Variants in SIGLEC10 observed in about 807,000 individuals in gnomAD.
SIGLEC10 encodes the protein sialic acid binding Ig like lectin 10.
In SIGLEC10, 45 loss-of-function variants were observed where a neutral mutation model predicts 68.3. The observed-to-expected ratio is 0.66, with a 90% confidence interval of 0.52 to 0.84. The LOEUF is 0.84. Ranked by LOEUF, SIGLEC10 falls within the 40% of genes least tolerant of loss-of-function variation. The pLI is 0.00. For missense variants in SIGLEC10, 789 were observed against 883.1 expected (o/e 0.89, Z 1.35); for synonymous variants, 379 against 370.8 (o/e 1.02, Z -0.26).
chr19:51,416,257 G>A, intron 4 of SIGLEC10, 53 bp downstream of exon 4: 1 of 1,613,432 alleles, frequency 6.2e-7, no homozygotes, highest in East Asian at 2.2e-5. Flanking sequence ...ATCCCCTGAA[G>A]CCTTTTCATC....
chr19:51,413,812 A>G lies in SIGLEC10; in HGVS notation c.1721T>C (p.Leu574Pro), dbSNP rs1400356877. The change falls in exon 10 of 11, where the codon CTA (leucine) becomes CCA (proline). Residue 574 changes from leucine to proline, a missense_variant. Physicochemically the swap from Leu to Pro is moderately conservative, Grantham distance 98. Transcript: ENST00000339313. ...TTCTGTCTGAGTCCGTCTCTTCGGT[A>G]GAATCTTCATGCTGAGGAAATGAAC... ...LCLALIIMKI[L>P]PKRRTQTETP... 1 of 1,614,038 alleles carries G rather than the reference A, an allele frequency of 6.2e-7. No homozygotes were observed. The highest frequency in any genetic ancestry group is 1.1e-5 in the South Asian group (1 of 91,072).
At position 51,416,849 on chromosome 19, in the gene SIGLEC10, G is replaced by A. The variant is rs137873210; in HGVS notation, c.523C>T (p.Pro175Ser). Residue 175 changes from proline (P) to serine (S), a missense_variant, in exon 3 of 11, where the codon CCC (proline) becomes TCC (serine). Transcript: ENST00000339313. ...VFNWAFEECPPPSFSWTGAAL... is the reference protein window; with the variant it reads ...VFNWAFEECPSPSFSWTGAAL... ...GCCCCCGTCCAGGAGAAAGAAGGGG[G>A]TGGACATTCCTCAAAGGCCCAGTTA... The A allele has an allele frequency of 6.2e-7, 1 of 1,614,208 alleles. No individual in the cohort carries two copies. Among genetic ancestry groups the A allele is most frequent in the East Asian group, 2.2e-5 (1 of 44,878 alleles).
In SIGLEC10 at chr19:51,414,480, C is replaced by T. The variant is rs545140583; in HGVS notation, c.1651G>A (p.Gly551Arg). The T allele has an allele frequency of 1.1e-5, 18 of 1,614,000 alleles. No homozygotes were observed. The South Asian group carries it at 1.3e-4, about 12-fold the overall frequency. Residue 551 changes from glycine (G) to arginine (R), a missense_variant, in exon 9 of 11, where the codon GGA (glycine) becomes AGA (arginine). By Grantham distance (125) the Gly-to-Arg change is moderately radical. Coordinates refer to ENST00000339313, the MANE Select transcript of SIGLEC10 (RefSeq NM_033130.5). This position sits in a 1 kb window ranked among gnomAD's most constrained non-coding sequence, Gnocchi z 4.1. ...GTGATGCCGATTCCCAGAAACGCTCCGTTGGAGAATGCCGTTGAGATGAGT... is the reference window on the plus strand; with the variant it reads ...GTGATGCCGATTCCCAGAAACGCTCTGTTGGAGAATGCCGTTGAGATGAGT... ...KGLISTAFSN[G>R]AFLGIGITAL...
intron 10 of SIGLEC10, 77 bp downstream of exon 10, chr19:51,413,635 C>A: frequency 7.8e-7 from 1 of 1,286,788 alleles, no homozygotes; most frequent in Non-Finnish European, 1.1e-6. Flanking sequence ...GTCGCTAAGA[C>A]AAGGGGTGCA....
intron 4 of SIGLEC10, 24 bp downstream of exon 4, chr19:51,416,280 GCCCAGC>G: frequency 1.2e-6 from 2 of 1,613,866 alleles, no homozygotes; most frequent in Non-Finnish European, 1.7e-6. Context: ...AAGACAACTG[GCCCAGC>G]CCCAGCCCGA....
rs1988439748 is a variant in SIGLEC10 at position 51,414,992 on chromosome 19, G to A, written c.1447C>T (p.Leu483=). ...GAGTCCTGGCTGCTGTTCCCCTCCA[G>A]CAGCTCCTCCCCAAGCCACCAGCGC... ...SLRWWLGEEL[L]EGNSSQDSFE... is the part of the protein sequence containing the mutation. The change falls in exon 8 of 11, where the codon CTG becomes TTG. Residue 483 remains leucine (L), a synonymous_variant. Coordinates refer to ENST00000339313, the MANE Select transcript of SIGLEC10 (RefSeq NM_033130.5). The surrounding 1 kb of genome is among the most constrained non-coding windows in gnomAD (Gnocchi z 4.1). The A allele has an allele frequency of 1.9e-6, 3 of 1,612,768 alleles. No individual in the cohort carries two copies. The highest frequency in any genetic ancestry group is 2.5e-6 in the Non-Finnish European group (3 of 1,179,828).
In SIGLEC10 at chr19:51,414,837, G is replaced by A; in HGVS notation, c.1602C>T (p.Ile534=). Reference sequence around the variant, plus strand: ...CGGCCCCCTAACCTGGCAGCTGCAGGATGGATCCACTCTGGGCCCCATGGA... The same window carrying A: ...CGGCCCCCTAACCTGGCAGCTGCAGAATGGATCCACTCTGGGCCCCATGGA... ...WNVHGAQSGS[I]LQLPDKKGLI... Residue 534 remains isoleucine, a synonymous_variant, in exon 8 of 11, where the codon ATC becomes ATT. Transcript: ENST00000339313. This position sits in a 1 kb window ranked among gnomAD's most constrained non-coding sequence, Gnocchi z 4.1. 1.2e-6 allele frequency: 2 copies of A among 1,613,822 alleles called. No individual in the cohort carries two copies. Among genetic ancestry groups the A allele is most frequent in the East Asian group, 2.2e-5 (1 of 44,876 alleles).
intron 10 of SIGLEC10, among the ~76,000 whole-genome samples, chr19:51,412,037 G>A (rs186181051): frequency 3.9e-4 from 59 of 152,012 alleles, no homozygotes; most frequent in Non-Finnish European, 6.6e-4. Flanking sequence ...CAGCTACTCA[G>A]GAGGCTGAGG....
At position 51,414,656 on chromosome 19, in the gene SIGLEC10, C is replaced by T; in HGVS notation, c.1616-141G>A. 1 of 1,363,844 alleles carries T rather than the reference C, an allele frequency of 7.3e-7. No homozygotes were observed. Among genetic ancestry groups the T allele is most frequent in the Non-Finnish European group, 1.0e-6 (1 of 967,268 alleles). The allele number at this position is 1,363,844 out of a possible 1,614,324, so 84.5% of individuals were successfully genotyped here. On this transcript the variant is annotated intron_variant, in intron 8 of 10. Coordinates refer to ENST00000339313, the MANE Select transcript of SIGLEC10 (RefSeq NM_033130.5). The surrounding 1 kb of genome is among the most constrained non-coding windows in gnomAD (Gnocchi z 4.1). Reference sequence around the variant, plus strand: ...CTCTGTTTACTTTTAGGAAACCCTGCCACACCCCGGCCCAGGTGTTAGGAC... The same window carrying T: ...CTCTGTTTACTTTTAGGAAACCCTGTCACACCCCGGCCCAGGTGTTAGGAC...
In SIGLEC10 at chr19:51,414,610, C is replaced by T. The variant is rs1988383129; in HGVS notation, c.1616-95G>A. On this transcript the variant is annotated intron_variant, in intron 8 of 10. Coordinates refer to ENST00000339313, the MANE Select transcript of SIGLEC10 (RefSeq NM_033130.5). The surrounding 1 kb of genome is among the most constrained non-coding windows in gnomAD (Gnocchi z 4.1). ...GCATTAAGGCTTCCGGTTCCCATGG[C>T]GGACATTGTATCTGCAACCCCTCTG... 6.4e-6 allele frequency: 9 copies of T among 1,410,810 alleles called. No homozygotes were observed. The highest frequency in any genetic ancestry group is 3.6e-5 in the South Asian group (3 of 84,394). 87.4% of individuals were successfully genotyped at this position (1,410,810 alleles called of 1,614,324 possible). A position where few individuals can be genotyped will look rare whatever the true frequency, so the allele number is the denominator to read the frequency against.
Position 51,416,296 on chromosome 19 carries a change from A to T in SIGLEC10, c.754+14T>A. ...AGACAACTGGCCCAGCCCCAGCCCG[A>T]CGGCCCTCAGTACCTGGCGTGTTGT... On this transcript the variant is annotated intron_variant, in intron 4 of 10. Coordinates refer to ENST00000339313, the MANE Select transcript of SIGLEC10 (RefSeq NM_033130.5). 1 of 1,614,028 alleles carries T rather than the reference A, an allele frequency of 6.2e-7. No homozygotes were observed. The highest frequency in any genetic ancestry group is 8.5e-7 in the Non-Finnish European group (1 of 1,179,980).
At position 51,415,337 on chromosome 19, in the gene SIGLEC10, A is replaced by G. The variant is rs1392950312; in HGVS notation, c.1174T>C (p.Trp392Arg). 1.2e-6 allele frequency: 2 copies of G among 1,613,620 alleles called. No individual in the cohort carries two copies. The highest frequency in any genetic ancestry group is 1.7e-6 in the Non-Finnish European group (2 of 1,179,712). Residue 392 changes from tryptophan to arginine, a missense_variant, in exon 7 of 11, where the codon TGG becomes CGG. Coordinates refer to ENST00000339313, the MANE Select transcript of SIGLEC10 (RefSeq NM_033130.5). ...CTCAGAACCTGTCCCCTCTGGGTCC[A>G]GCTCAGCCTGGCTGGGGGGCTGCTG... ...THSSPPARLS[W>R]TQRGQVLSPS...
chr19:51,413,680 A>AG, intron 10 of SIGLEC10, 32 bp downstream of exon 10: 1 of 1,589,056 alleles, frequency 6.3e-7, no homozygotes. Context: ...TTTAGAGAAG[A>AG]GAAAAAGTGG....
In SIGLEC10 at chr19:51,414,572, C is replaced by A; in HGVS notation, c.1616-57G>T. Reference sequence around the variant, plus strand: ...CCATCCACGCAGGGCTCACGAAGCCCGCTCATCACTCGGCATTAAGGCTTC... The same window carrying A: ...CCATCCACGCAGGGCTCACGAAGCCAGCTCATCACTCGGCATTAAGGCTTC... On this transcript the variant is annotated intron_variant, in intron 8 of 10. Coordinates refer to ENST00000339313, the MANE Select transcript of SIGLEC10 (RefSeq NM_033130.5). This position sits in a 1 kb window ranked among gnomAD's most constrained non-coding sequence, Gnocchi z 4.1. 1 of 1,543,942 alleles carries A rather than the reference C, an allele frequency of 6.5e-7. No individual in the cohort carries two copies. The highest frequency in any genetic ancestry group is 8.9e-7 in the Non-Finnish European group (1 of 1,121,756).
At position 51,414,392 on chromosome 19, in the gene SIGLEC10, C is replaced by G. The variant is rs771855284; in HGVS notation, c.1709+30G>C. 1.3e-6 allele frequency: 2 copies of G among 1,593,432 alleles called. No homozygotes were observed. The highest frequency in any genetic ancestry group is 2.7e-5 in the African/African-American group (2 of 74,588). ...CTCCCCTCTTCCTGGGTCCAGGCCC[C>G]AGACCCCGCCACGCCTCCTCTTAAC... On this transcript the variant is annotated intron_variant, in intron 9 of 10. Coordinates refer to ENST00000339313, the MANE Select transcript of SIGLEC10 (RefSeq NM_033130.5). The surrounding 1 kb of genome is among the most constrained non-coding windows in gnomAD (Gnocchi z 4.1).
rs1458842112 is a variant in SIGLEC10 at position 51,416,880 on chromosome 19, A to G, written c.492T>C (p.Cys164=). 1 of 1,614,102 alleles carries G rather than the reference A, an allele frequency of 6.2e-7. No individual in the cohort carries two copies. The change falls in exon 3 of 11, where the codon TGT becomes TGC. Residue 164 remains cysteine (C), a synonymous_variant. Transcript: ENST00000339313. ...LEPGQPVTVI[C]VFNWAFEECP... ...ATTCCTCAAAGGCCCAGTTAAACAC[A>G]CAGATGACCGTCACCGGCTGCCCGG...
At position 51,411,222 on chromosome 19, in the gene SIGLEC10, T is replaced by G; in HGVS notation, c.1971A>C (p.Glu657Asp). The G allele has an allele frequency of 6.2e-7, 1 of 1,614,060 alleles. No individual in the cohort carries two copies. Among genetic ancestry groups the G allele is most frequent in the African/African-American group, 1.3e-5 (1 of 75,026 alleles). Residue 657 changes from glutamate to aspartate, a missense_variant, in exon 11 of 11, where the codon GAA becomes GAC. By Grantham distance (45) the Glu-to-Asp change is conservative. Coordinates refer to ENST00000339313, the MANE Select transcript of SIGLEC10 (RefSeq NM_033130.5). ...PEPKSSTQAP[E>D]SQESQEELHY... Reference sequence around the variant, plus strand: ...GGAGCTCCTCTTGGCTCTCCTGGGATTCTGGGGCTTGAGTGGATGATTTGG... The same window carrying G: ...GGAGCTCCTCTTGGCTCTCCTGGGAGTCTGGGGCTTGAGTGGATGATTTGG...
At chr19:51,413,921 G>C in intron 9 of SIGLEC10, 98 bp from the exon 10 acceptor site, 1 of 878,154 alleles carries the variant, frequency 1.1e-6, no homozygotes. Context: ...AGTTACTACT[G>C]TTACCACTTG....
At chr19:51,412,794 G>A (rs1236821366) in intron 10 of SIGLEC10, among the ~76,000 whole-genome samples, 2 of 150,708 alleles carry the variant, frequency 1.3e-5, no homozygotes, top group Admixed American at 1.3e-4. Context: ...TTTGAGACAG[G>A]GTCTCACTCT....
Sources: allele counts gnomAD v4.1 joint callset (sites outside exome capture counted in the v4.1 genomes callset), GRCh38; gene constraint gnomAD v4.1.1; non-coding constraint Gnocchi (gnomAD v3.1); transcripts MANE v1.5; gene names NCBI Gene and HGNC (gene_info 2026-07-23, HGNC 2026-07-21).